Variants in ARHGEF18 observed in about 807,000 individuals in gnomAD.
ARHGEF18 encodes the protein rho guanine nucleotide exchange factor 18.
In ARHGEF18, 93 loss-of-function variants were observed where a neutral mutation model predicts 155.7. The ratio of observed to expected loss-of-function variants is 0.60; its 90% CI spans 0.50 to 0.71. The LOEUF is 0.71. Among genes scored for constraint, ARHGEF18 ranks in the 30% least tolerant of loss-of-function variants. The pLI, the probability that ARHGEF18 is intolerant of heterozygous loss-of-function variation, is 0.00. For synonymous variants in ARHGEF18, 742 were observed against 753.1 expected, an observed-to-expected ratio of 0.99 and a Z score of 0.24; for missense variants, 1,593 against 1,816.1, an observed-to-expected ratio of 0.88 and a Z score of 2.23.
chr19:7,478,257 G>A, the ARHGEF18 span: 5 of 1,572,090 alleles, frequency 3.2e-6, no homozygotes, highest in South Asian at 4.6e-5. Flanking sequence ...TGCGAGCCGG[G>A]ATCCCACGCC....
chr19:7,411,017 T>A (rs1404734564), intron 10 of ARHGEF18, among the ~76,000 whole-genome samples: 1 of 152,000 alleles, frequency 6.6e-6, no homozygotes, highest in East Asian at 1.9e-4. Flanking sequence ...AGATGCTTTT[T>A]CAGCATCTGC....
At position 7,466,922 on chromosome 19, in the gene ARHGEF18, A is replaced by C. The variant is rs775865950; in HGVS notation, c.2909A>C (p.Glu970Ala). 2 of 1,612,434 alleles carry C rather than the reference A, an allele frequency of 1.2e-6. No individual in the cohort carries two copies. The highest frequency in any genetic ancestry group is 1.7e-6 in the Non-Finnish European group (2 of 1,179,884). Residue 970 changes from glutamate (E) to alanine (A), a missense_variant, in exon 24 of 29, where the codon GAG becomes GCG. Coordinates refer to ENST00000668164, the MANE Select transcript of ARHGEF18 (RefSeq NM_001367823.1). ...TTGACGGTGTCCTCTTCCCAGGTGGAGGCGCCAGGCACGGAATCCGATCCC... is the reference window on the plus strand; with the variant it reads ...TTGACGGTGTCCTCTTCCCAGGTGGCGGCGCCAGGCACGGAATCCGATCCC... ...GSSEESPQVVEAPGTESDPRL... is the reference protein window; with the variant it reads ...GSSEESPQVVAAPGTESDPRL...
chr19:7,478,350 C>T, the ARHGEF18 span: 3 of 1,611,378 alleles, frequency 1.9e-6, no homozygotes, highest in Non-Finnish European at 2.5e-6. Context: ...CAGCCTCTGT[C>T]TCAGTTTCAG....
chr19:7,470,256 C>A lies in ARHGEF18; in HGVS notation c.4044C>A (p.Ser1348Arg), dbSNP rs368829364. 1.3e-6 allele frequency: 2 copies of A among 1,578,336 alleles called. No homozygotes were observed. Among genetic ancestry groups the A allele is most frequent in the Non-Finnish European group, 1.7e-6 (2 of 1,164,760 alleles). ...CGCCACTGCCGGCCACACCACTCAGCGCCAAGGAGGACGCCAGCAAAGAAG... is the reference window on the plus strand; with the variant it reads ...CGCCACTGCCGGCCACACCACTCAGAGCCAAGGAGGACGCCAGCAAAGAAG... ...APSPLPATPL[S>R]AKEDASKEDV... Residue 1348 changes from serine to arginine, a missense_variant, in exon 29 of 29, where the codon AGC becomes AGA. By Grantham distance (110) the Ser-to-Arg change is moderately radical. Coordinates refer to ENST00000668164, the MANE Select transcript of ARHGEF18 (RefSeq NM_001367823.1). The surrounding 1 kb of genome is among the most constrained non-coding windows in gnomAD (Gnocchi z 5.9).
In ARHGEF18 at chr19:7,395,116, G is replaced by T. The variant is rs552973905; in HGVS notation, c.967+11913G>T. 7.1e-6 allele frequency: 7 copies of T among 985,384 alleles called. No individual in the cohort carries two copies. Among genetic ancestry groups the T allele is most frequent in the Non-Finnish European group, 8.4e-6 (7 of 829,984 alleles). The allele number at this position is 985,384 out of a possible 1,614,324, so 61.0% of individuals were successfully genotyped here. On this transcript the variant is annotated intron_variant, in intron 10 of 28. Coordinates refer to ENST00000668164, the MANE Select transcript of ARHGEF18 (RefSeq NM_001367823.1). This position sits in a 1 kb window ranked among gnomAD's most constrained non-coding sequence, Gnocchi z 5.0. ...GGATCGCGCATGCGCTGCTCTCCTC[G>T]CGCGGCTTCCCGCTTCCGGCTCCCA...
At chr19:7,410,035 G>A (rs556938051) in intron 10 of ARHGEF18, among the ~76,000 whole-genome samples, 7 of 145,588 alleles carry the variant, frequency 4.8e-5, no homozygotes, top group African/African-American at 1.3e-4. Flanking sequence ...TGATCCACCC[G>A]CCTTGGCCTC....
At chr19:7,381,273 C>T (rs1325519631) in intron 8 of ARHGEF18, among the ~76,000 whole-genome samples, 1 of 152,024 alleles carries the variant, frequency 6.6e-6, no homozygotes, top group Non-Finnish European at 1.5e-5. Flanking sequence ...AAAAAAGAAA[C>T]TAGAAGGCTT....
At chr19:7,446,767 G>A (rs988370817) in intron 14 of ARHGEF18, among the ~76,000 whole-genome samples, 2 of 151,864 alleles carry the variant, frequency 1.3e-5, no homozygotes, top group African/African-American at 2.4e-5. Flanking sequence ...CGTGGTGGCG[G>A]CACCTGTAAT....
chr19:7,367,815 T>A lies in ARHGEF18; in HGVS notation c.15+4910T>A, dbSNP rs1482237167. On this transcript the variant is annotated intron_variant, in intron 2 of 28. Coordinates refer to ENST00000668164, the MANE Select transcript of ARHGEF18 (RefSeq NM_001367823.1). ...ATATATATATACACATATATATATT[T>A]TATATATATATACACATATATATAT... Among the ~76,000 whole-genome samples, 271 of 120,834 alleles carry A rather than the reference T, an allele frequency of 2.2e-3. 4 individuals carry two copies. Among genetic ancestry groups the A allele is most frequent in the Non-Finnish European group, 3.3e-3 (205 of 62,438 alleles). 79.3% of individuals were successfully genotyped at this position (120,834 alleles called of 152,430 possible).
intron 2 of ARHGEF18, among the ~76,000 whole-genome samples, chr19:7,372,230 C>T (rs1214816220): frequency 1.3e-5 from 2 of 152,144 alleles, no homozygotes; most frequent in African/African-American, 4.8e-5. Flanking sequence ...GGCACCTTAC[C>T]AACCTTGAGG....
chr19:7,408,813 G>A (rs1216972572), intron 10 of ARHGEF18, among the ~76,000 whole-genome samples: 2 of 152,146 alleles, frequency 1.3e-5, no homozygotes, highest in East Asian at 1.9e-4. Context: ...AGGCTAAGGC[G>A]GGAGGATCAC....
chr19:7,475,358 G>A (rs924958305), downstream of ARHGEF18, among the ~76,000 whole-genome samples: 2 of 152,178 alleles, frequency 1.3e-5, no homozygotes, highest in Non-Finnish European at 2.9e-5. Flanking sequence ...TGGGGGCTGC[G>A]GGTGGGTAAC....
intron 2 of ARHGEF18, among the ~76,000 whole-genome samples, chr19:7,371,586 C>T (rs1334528019): frequency 6.6e-6 from 1 of 151,922 alleles, no homozygotes; most frequent in Non-Finnish European, 1.5e-5. Context: ...CTTGGGAGGC[C>T]GAGGCAGTTG....
chr19:7,458,527 G>A lies in ARHGEF18; in HGVS notation c.2197G>A (p.Val733Ile), dbSNP rs753688534. The A allele has an allele frequency of 1.4e-5, 23 of 1,613,826 alleles. No homozygotes were observed. The highest frequency in any genetic ancestry group is 6.6e-5 in the South Asian group (6 of 91,064). ...ACTCATGCAGGACTCAAAGCCACCCGTCATCTCGTTACAAAAGCTCATCGT... is the reference window on the plus strand; with the variant it reads ...ACTCATGCAGGACTCAAAGCCACCCATCATCTCGTTACAAAAGCTCATCGT... ...VFASVDSKPP[V>I]ISLQKLIVRE... is the part of the protein sequence containing the mutation. Residue 733 changes from valine to isoleucine, a missense_variant, in exon 19 of 29, where the codon GTC becomes ATC. Val to Ile is a conservative substitution (Grantham distance 29, BLOSUM62 3). Transcript: ENST00000668164.
intron 10 of ARHGEF18, among the ~76,000 whole-genome samples, chr19:7,389,455 C>T (rs1248106722): frequency 6.6e-6 from 1 of 150,622 alleles, no homozygotes; most frequent in Non-Finnish European, 1.5e-5. Flanking sequence ...CCACTGCATC[C>T]ACCCTACATT....
chr19:7,466,836 A>AAAGTAAGAAG, intron 23 of ARHGEF18, 82 bp from the exon 24 acceptor site: 2 of 1,094,034 alleles, frequency 1.8e-6, no homozygotes, highest in Non-Finnish European at 2.6e-6. Flanking sequence ...AGTTAAAAAA[A>AAAGTAAGAAG]AAGAAGAAGA....
chr19:7,394,637 G>T (rs1201772115), intron 10 of ARHGEF18, among the ~76,000 whole-genome samples: 1 of 147,152 alleles, frequency 6.8e-6, no homozygotes, highest in African/African-American at 2.5e-5. Context: ...CTCCCTTGGG[G>T]TCCCCCAACC....
rs1975410457 is a variant in ARHGEF18, at chr19:7,451,025, G to C, written c.1738-124G>C. On this transcript the variant is annotated intron_variant, in intron 15 of 28. Coordinates refer to ENST00000668164, the MANE Select transcript of ARHGEF18 (RefSeq NM_001367823.1). ...GTCCATTTCCGAGATGTTAATATGG[G>C]ATCTTGCTGTCCATTTCCGAGATGT... 6 of 873,606 alleles carry C rather than the reference G, an allele frequency of 6.9e-6. No individual in the cohort carries two copies. In the Middle Eastern group the frequency reaches 6.8e-4, roughly 99 times the overall value. The allele number at this position is 873,606 out of a possible 1,614,324, so 54.1% of individuals were successfully genotyped here.
At chr19:7,360,232 CTTTTCCTTTTT>C (rs1378928546) in intron 1 of ARHGEF18, among the ~76,000 whole-genome samples, 13 of 151,112 alleles carry the variant, frequency 8.6e-5, no homozygotes, top group Non-Finnish European at 1.2e-4. Context: ...TTTTTTCATT[CTTTTCCTTTTT>C]TTTTTTCTTT....
Sources: gnomAD v4.1 joint callset for allele counts (sites outside exome capture counted in the v4.1 genomes callset) on GRCh38, gnomAD v4.1.1 for gene constraint, Gnocchi (gnomAD v3.1) non-coding constraint, MANE v1.5 for transcripts, NCBI Gene and HGNC (gene_info 2026-07-23, HGNC 2026-07-21) for gene names.